Variants in CEP85L observed in about 807,000 individuals in gnomAD.
CEP85L encodes the protein centrosomal protein 85L.
CEP85L carries 60 observed loss-of-function variants against 100.3 expected under a neutral mutation model. The ratio of observed to expected loss-of-function variants is 0.60; its 90% CI spans 0.49 to 0.74. The LOEUF is 0.74. Ranked by LOEUF, CEP85L falls within the 30% of genes least tolerant of loss-of-function variation. The pLI, the probability that CEP85L is intolerant of heterozygous loss-of-function variation, is 0.00. For missense variants in CEP85L, 973 were observed against 936.2 expected, an observed-to-expected ratio of 1.04 and a Z score of -0.51; for synonymous variants, 319 against 322.7, an observed-to-expected ratio of 0.99 and a Z score of 0.12.
At chr6:118,545,523 G>A (rs375920041) in intron 3 of CEP85L, among the ~76,000 whole-genome samples, 14 of 152,284 alleles carry the variant, frequency 9.2e-5, no homozygotes, top group African/African-American at 3.4e-4. Flanking sequence ...GAGAGGGAGA[G>A]GTTGCAGTGA....
At chr6:118,510,414 T>C (rs764844565) in intron 5 of CEP85L, among the ~76,000 whole-genome samples, 2 of 151,918 alleles carry the variant, frequency 1.3e-5, no homozygotes, top group African/African-American at 2.4e-5. Flanking sequence ...TAAAAAATGA[T>C]CAAAGGATAT....
intron 3 of CEP85L, among the ~76,000 whole-genome samples, chr6:118,554,663 A>G (rs1246769778): frequency 6.6e-6 from 1 of 152,224 alleles, no homozygotes; most frequent in Non-Finnish European, 1.5e-5. Flanking sequence ...CCTCATATAG[A>G]TAACACTAAA....
chr6:118,703,092 A>C (rs2114369107), intron 1 of CEP85L, among the ~76,000 whole-genome samples: 1 of 152,248 alleles, frequency 6.6e-6, no homozygotes, highest in East Asian at 1.9e-4. Context: ...ATGCTGCAGA[A>C]GTGACGATTT....
At chr6:118,703,610 A>T (rs749128816) in intron 1 of CEP85L, among the ~76,000 whole-genome samples, 4 of 152,224 alleles carry the variant, frequency 2.6e-5, no homozygotes, top group Admixed American at 6.5e-5. Context: ...TAAGTATGTA[A>T]CTTCACGCAT....
At chr6:118,647,114 TC>T (rs1775250962) in intron 1 of CEP85L, 2 of 965,338 alleles carry the variant, frequency 2.1e-6, no homozygotes, top group Admixed American at 1.2e-4. Flanking sequence ...TTCCTAGAAG[TC>T]CATCTAATTC....
At chr6:118,696,384 C>T (rs1163783249) in intron 1 of CEP85L, among the ~76,000 whole-genome samples, 1 of 152,194 alleles carries the variant, frequency 6.6e-6, no homozygotes, top group Non-Finnish European at 1.5e-5. Flanking sequence ...TGATGATAGA[C>T]AGCCAATAAA....
At chr6:118,508,884 A>C (rs1775810938) in intron 5 of CEP85L, among the ~76,000 whole-genome samples, 1 of 152,110 alleles carries the variant, frequency 6.6e-6, no homozygotes, top group African/African-American at 2.4e-5. Context: ...AGTTAAAAAA[A>C]TCCTTCGCTA....
At chr6:118,597,938 T>C (rs73528730) in intron 2 of CEP85L, among the ~76,000 whole-genome samples, 1,929 of 152,294 alleles carry the variant, frequency 0.013, 50 homozygotes, top group African/African-American at 0.044. Context: ...TAATACTCTA[T>C]TGAGGTTGAA....
intron 2 of CEP85L, among the ~76,000 whole-genome samples, chr6:118,611,451 G>A (rs182709433): frequency 1.2e-4 from 18 of 152,178 alleles, no homozygotes; most frequent in Admixed American, 9.2e-4. Flanking sequence ...CCCATAGGAA[G>A]GCAGATAATG....
In CEP85L at chr6:118,651,502, G is replaced by C; in HGVS notation, c.-233C>G. On this transcript the variant is annotated 5_prime_UTR_variant, in exon 1 of 13. Coordinates refer to ENST00000368491, the MANE Select transcript of CEP85L (RefSeq NM_001042475.3). Reference sequence around the variant, plus strand: ...CCGGCTGGGCTGAGGCCCGCGCCGGGGAAGCGGCGACTCGGCGGTGACGGC... The same window carrying C: ...CCGGCTGGGCTGAGGCCCGCGCCGGCGAAGCGGCGACTCGGCGGTGACGGC... 7.9e-7 allele frequency: 1 copy of C among 1,269,760 alleles called. No individual in the cohort carries two copies. 78.7% of individuals were successfully genotyped at this position (1,269,760 alleles called of 1,614,324 possible).
At chr6:118,696,930 C>T (rs1426612555) in intron 1 of CEP85L, among the ~76,000 whole-genome samples, 1 of 152,114 alleles carries the variant, frequency 6.6e-6, no homozygotes, top group East Asian at 1.9e-4. Context: ...CATAAGAAGA[C>T]TAAGGTACTT....
intron 2 of CEP85L, among the ~76,000 whole-genome samples, chr6:118,600,301 GTGTGTGTGTGTGTGTGTGTGTGT>G (rs1227079136): frequency 1.3e-4 from 4 of 30,442 alleles, no homozygotes; most frequent in African/African-American, 3.8e-4. Flanking sequence ...CTTCCTGGGG[GTGTGTGTGTGTGTGTGTGTGTGT>G]GTGTGTGTGT....
Position 118,598,413 on chromosome 6 carries a change from G to A in CEP85L, c.233-32097C>T, listed in dbSNP as rs552217983. Among the ~76,000 whole-genome samples the A allele has an allele frequency of 5.9e-5, 9 of 152,280 alleles. No homozygotes were observed. The South Asian group carries it at 1.2e-3, about 21-fold the overall frequency. On this transcript the variant is annotated intron_variant, in intron 2 of 12. Coordinates refer to ENST00000368491, the MANE Select transcript of CEP85L (RefSeq NM_001042475.3). The stretch of plus-strand genomic sequence containing the variant: ...GAAGCTGTGAATGTGACCTTATTTG[G>A]AAATAGGGTCTTTGCAGATGTAATC...
At chr6:118,660,722 C>T (rs1775943427) in intron 1 of CEP85L, among the ~76,000 whole-genome samples, 1 of 152,174 alleles carries the variant, frequency 6.6e-6, no homozygotes. Flanking sequence ...CTCCTCTAGA[C>T]ACCTTTGAAG....
chr6:118,535,869 T>C (rs1777559126), intron 3 of CEP85L, among the ~76,000 whole-genome samples: 1 of 152,132 alleles, frequency 6.6e-6, no homozygotes, highest in Non-Finnish European at 1.5e-5. Flanking sequence ...ATAAATTAAA[T>C]CTTATAGATT....
In CEP85L at chr6:118,565,727, A is replaced by G. The variant is rs373584821; in HGVS notation, c.822T>C (p.Pro274=). ...PIMTSSEAFE[P]PKYLMLGQQA... ...GTTGACCAAGCATTAAATATTTTGGAGGTTCAAAAGCCTCTGAGCTTGTCA... is the reference window on the plus strand; with the variant it reads ...GTTGACCAAGCATTAAATATTTTGGGGGTTCAAAAGCCTCTGAGCTTGTCA... The change falls in exon 3 of 13, where the codon CCT becomes CCC. Residue 274 remains proline, a synonymous_variant. Coordinates refer to ENST00000368491, the MANE Select transcript of CEP85L (RefSeq NM_001042475.3). 8.1e-6 allele frequency: 13 copies of G among 1,614,098 alleles called. No homozygotes were observed. In the African/African-American group the frequency reaches 1.7e-4, roughly 22 times the overall value.
intron 3 of CEP85L, among the ~76,000 whole-genome samples, chr6:118,528,714 C>T (rs1258254209): frequency 7.9e-5 from 12 of 152,044 alleles, no homozygotes; most frequent in Admixed American, 5.9e-4. Context: ...ATGACAGTTA[C>T]GGAGACATTT....
chr6:118,493,218 C>T (rs977193580), intron 5 of CEP85L, among the ~76,000 whole-genome samples: 6 of 152,132 alleles, frequency 3.9e-5, no homozygotes, highest in Non-Finnish European at 8.8e-5. Flanking sequence ...CTAGAAAGAA[C>T]ATTTTTAAAA....
chr6:118,625,142 A>C (rs1773702357), intron 2 of CEP85L, among the ~76,000 whole-genome samples: 1 of 152,256 alleles, frequency 6.6e-6, no homozygotes, highest in Admixed American at 6.5e-5. Context: ...TCTCACATGT[A>C]TAAATTTTAG....
Sources: allele counts gnomAD v4.1 joint callset (sites outside exome capture counted in the v4.1 genomes callset), GRCh38; gene constraint gnomAD v4.1.1; transcripts MANE v1.5; gene names NCBI Gene and HGNC (gene_info 2026-07-23, HGNC 2026-07-21).